Variants in BZW2 observed in about 807,000 individuals in gnomAD.
BZW2 encodes eIF5-mimic protein 1.
In BZW2, 23 loss-of-function variants were observed where a neutral mutation model predicts 53.2. The ratio of observed to expected loss-of-function variants is 0.43; its 90% CI spans 0.31 to 0.61. The LOEUF is 0.61. BZW2 is among the 20% of genes least tolerant of loss of function. The pLI, the probability that BZW2 is intolerant of heterozygous loss-of-function variation, is 0.09. For synonymous variants in BZW2, 227 were observed against 186.4 expected (o/e 1.22, Z -1.77); for missense variants, 409 against 503.1 (o/e 0.81, Z 1.79).
chr7:16,681,136 C>T (rs62440997), intron 3 of BZW2, among the ~76,000 whole-genome samples, 165 bp from the exon 4 acceptor site: 2 of 152,050 alleles, frequency 1.3e-5, no homozygotes, highest in Non-Finnish European at 2.9e-5. Flanking sequence ...TGTACAGCAA[C>T]GTGTGTACAT....
At chr7:16,697,998 T>G (rs1268232739) in intron 9 of BZW2, 50 bp from the exon 10 acceptor site, 1 of 1,609,888 alleles carries the variant, frequency 6.2e-7, no homozygotes, top group East Asian at 2.2e-5. Flanking sequence ...CAGTGTCGGC[T>G]CTGTACCTCC....
intron 5 of BZW2, among the ~76,000 whole-genome samples, chr7:16,684,574 A>C (rs1369317450): frequency 6.6e-6 from 1 of 152,204 alleles, no homozygotes; most frequent in African/African-American, 2.4e-5. Context: ...ATTTTATTTT[A>C]GAGGCTAATT....
intron 3 of BZW2, among the ~76,000 whole-genome samples, chr7:16,676,453 C>CA (rs1169297660): frequency 1.3e-5 from 2 of 152,062 alleles, no homozygotes; most frequent in Admixed American, 1.3e-4. Context: ...GGGGCTGAGG[C>CA]AGGAGAATCT....
chr7:16,658,916 A>G (rs760316666), intron 1 of BZW2, among the ~76,000 whole-genome samples: 3 of 150,722 alleles, frequency 2.0e-5, no homozygotes, highest in Non-Finnish European at 4.4e-5. Context: ...TGTTGCTGTC[A>G]TTTCCCTATT....
chr7:16,659,131 C>T (rs1051431914), intron 1 of BZW2, among the ~76,000 whole-genome samples: 2 of 151,880 alleles, frequency 1.3e-5, no homozygotes, highest in Non-Finnish European at 2.9e-5. Context: ...ATATTCTCCT[C>T]AAAAATGTAT....
chr7:16,648,521 C>A (rs818582), intron 1 of BZW2, among the ~76,000 whole-genome samples: 6,519 of 152,254 alleles, frequency 0.043, 461 homozygotes, highest in African/African-American at 0.15. Flanking sequence ...TCTTAAGTAG[C>A]CTGCTTCTCT....
intron 6 of BZW2, among the ~76,000 whole-genome samples, chr7:16,689,161 G>C (rs1015919359): frequency 1.3e-5 from 2 of 152,198 alleles, no homozygotes; most frequent in Admixed American, 6.5e-5. Context: ...AGGAGGTGAA[G>C]ATTGCAGTGA....
At chr7:16,659,176 T>A (rs1479594722) in intron 1 of BZW2, among the ~76,000 whole-genome samples, 2 of 152,122 alleles carry the variant, frequency 1.3e-5, no homozygotes, top group Admixed American at 6.6e-5. Flanking sequence ...TGGTGGACTC[T>A]TTACTTGTGC....
At chr7:16,702,618 G>A (rs1396858936) in intron 10 of BZW2, among the ~76,000 whole-genome samples, 1 of 152,090 alleles carries the variant, frequency 6.6e-6, no homozygotes, top group Non-Finnish European at 1.5e-5. Flanking sequence ...GTCTCCTTCA[G>A]CCTCTGTGAG....
At chr7:16,674,365 G>GTATT (rs536826949) in intron 2 of BZW2, 47 bp from the exon 3 acceptor site, 22,323 of 1,388,332 alleles carry the variant, frequency 0.016, 230 homozygotes, top group Non-Finnish European at 0.019. Context: ...TATACTCTCA[G>GTATT]TATTTATTTA....
chr7:16,686,307 T>G (rs1264472530), intron 6 of BZW2: 2 of 381,178 alleles, frequency 5.2e-6, no homozygotes, highest in Non-Finnish European at 9.5e-6. Flanking sequence ...CATGGAAGAC[T>G]TGATGCCTAG....
intron 1 of BZW2, among the ~76,000 whole-genome samples, chr7:16,647,818 A>G (rs188815133): frequency 1.3e-5 from 2 of 152,368 alleles, no homozygotes; most frequent in East Asian, 1.9e-4. Flanking sequence ...GCATCTTACC[A>G]GCAGATGCAT....
chr7:16,685,967 G>T lies in BZW2; in HGVS notation c.468G>T (p.Gly156=), dbSNP rs17850329. ...TEQTKLAMLS[G]ILLGNGTLPA... ...AGACAAAGTTGGCGATGCTGTCGGG[G>T]ATTCTGCTGGGCAATGGCACCCTGC... The change falls in exon 6 of 12, where the codon GGG becomes GGT. Residue 156 remains glycine (G), a synonymous_variant. Transcript: ENST00000258761. The T allele has an allele frequency of 2.0e-4, 314 of 1,590,348 alleles. No individual in the cohort carries two copies. Among genetic ancestry groups the T allele is most frequent in the Non-Finnish European group, 2.4e-4 (281 of 1,168,642 alleles).
rs1783194503 is a variant in BZW2, at chr7:16,688,291, G to A, written c.542-1506G>A. On this transcript the variant is annotated intron_variant, in intron 6 of 11. Transcript: ENST00000258761. ...ATTCATAGCATTAACTTCATCCCAA[G>A]GATGGTGCCCCCTCTAGTTGTTATA... Among the ~76,000 whole-genome samples, 3 of 152,166 alleles carry A rather than the reference G, an allele frequency of 2.0e-5. No individual in the cohort carries two copies. The South Asian group carries it at 6.2e-4, about 32-fold the overall frequency.
intron 1 of BZW2, among the ~76,000 whole-genome samples, chr7:16,656,075 A>G (rs908094291): frequency 6.6e-5 from 10 of 150,418 alleles, no homozygotes; most frequent in African/African-American, 2.5e-4. Flanking sequence ...CTCAATAGTC[A>G]TATATATGTG....
At chr7:16,674,300 C>T in intron 2 of BZW2, 112 bp from the exon 3 acceptor site, 1 of 730,712 alleles carries the variant, frequency 1.4e-6, no homozygotes. Flanking sequence ...TTTGGCGATG[C>T]TCTGTGGATT....
intron 4 of BZW2, among the ~76,000 whole-genome samples, 199 bp downstream of exon 4, chr7:16,681,603 G>A (rs985855255): frequency 2.6e-5 from 4 of 152,212 alleles, no homozygotes; most frequent in African/African-American, 9.7e-5. Context: ...GGCCATGGCA[G>A]GCGGATCACT....
intron 6 of BZW2, 59 bp from the exon 7 acceptor site, chr7:16,689,738 C>A: frequency 1.4e-6 from 2 of 1,424,822 alleles, no homozygotes; most frequent in Non-Finnish European, 9.6e-7. Context: ...TTGCTTTGCA[C>A]ACCATCACAA....
intron 2 of BZW2, among the ~76,000 whole-genome samples, chr7:16,670,586 T>C (rs1458802272): frequency 6.6e-6 from 1 of 152,224 alleles, no homozygotes; most frequent in Admixed American, 6.5e-5. Context: ...AAAGAAAATA[T>C]CTTTTTTCAA....
Sources: gnomAD v4.1 joint callset for allele counts (sites outside exome capture counted in the v4.1 genomes callset) on GRCh38, gnomAD v4.1.1 for gene constraint, MANE v1.5 for transcripts, NCBI Gene and HGNC (gene_info 2026-07-23, HGNC 2026-07-21) for gene names.